Variants in TMCC2 observed in about 807,000 individuals in gnomAD.
The protein encoded by TMCC2 is transmembrane and coiled-coil domains protein 2.
In TMCC2, 16 loss-of-function variants were observed where a neutral mutation model predicts 49.4. The observed-to-expected ratio is 0.32, with a 90% confidence interval of 0.22 to 0.49. The LOEUF (loss-of-function observed/expected upper bound fraction) is 0.49. TMCC2 is among the 20% of genes least tolerant of loss of function. The pLI is 0.99. For synonymous variants in TMCC2, 397 were observed against 434.1 expected (o/e 0.91, Z 1.06); for missense variants, 762 against 989.8 (o/e 0.77, Z 3.09).
intron 2 of TMCC2, among the ~76,000 whole-genome samples, chr1:205,254,481 CGTCTCAT>C (rs1444305160): frequency 6.6e-6 from 1 of 152,182 alleles, no homozygotes; most frequent in African/African-American, 2.4e-5. Context: ...TTTGGGAACA[CGTCTCAT>C]GTATAAAGAC....
intron 4 of TMCC2, among the ~76,000 whole-genome samples, chr1:205,271,525 T>A (rs767674347): frequency 1.3e-5 from 2 of 152,126 alleles, no homozygotes; most frequent in African/African-American, 4.8e-5. Context: ...GCTTCGCAAA[T>A]GAGTATTTGG....
chr1:205,229,847 A>G (rs1659721956), intron 1 of TMCC2: 2 of 985,402 alleles, frequency 2.0e-6, no homozygotes, highest in East Asian at 2.3e-4. Flanking sequence ...ATCTCTATCA[A>G]TTAAAACAGC....
At chr1:205,266,664 G>A (rs78004445) in intron 2 of TMCC2, among the ~76,000 whole-genome samples, 1,866 of 151,510 alleles carry the variant, frequency 0.012, 47 homozygotes, top group African/African-American at 0.043. Flanking sequence ...GAGTAAATTT[G>A]TTGGTATAAT....
intron 2 of TMCC2, among the ~76,000 whole-genome samples, chr1:205,266,199 C>T (rs1458884652): frequency 1.3e-5 from 2 of 149,962 alleles, no homozygotes; most frequent in Non-Finnish European, 3.0e-5. Context: ...CAAGATTGCG[C>T]CACTGCACTG....
chr1:205,249,128 A>T (rs560097136), intron 2 of TMCC2, among the ~76,000 whole-genome samples: 1 of 152,134 alleles, frequency 6.6e-6, no homozygotes, highest in Admixed American at 6.5e-5. Context: ...AGGTGAAGTG[A>T]GGAGGGTGGA....
In TMCC2 at chr1:205,268,822, T is replaced by A. The variant is rs1558658065; in HGVS notation, c.748-128T>A. On this transcript the variant is annotated intron_variant, in intron 2 of 4. Transcript: ENST00000358024. ...GTGGCTGTCAGGGATACTGCTCTTG[T>A]GGTGGTTGTCTTCTTTTGGACTCCT... 3 of 855,896 alleles carry A rather than the reference T, an allele frequency of 3.5e-6. No homozygotes were observed. In the East Asian group the frequency reaches 7.6e-5, roughly 22 times the overall value. The allele number at this position is 855,896 out of a possible 1,614,324, so 53.0% of individuals were successfully genotyped here.
chr1:205,256,139 A>G (rs190097877), intron 2 of TMCC2: 50 of 1,284,382 alleles, frequency 3.9e-5, no homozygotes, highest in African/African-American at 1.6e-4. Flanking sequence ...ATTTGGGACT[A>G]CCCAATCAAC....
At chr1:205,258,984 G>A (rs1264830942) in intron 2 of TMCC2, among the ~76,000 whole-genome samples, 1 of 152,190 alleles carries the variant, frequency 6.6e-6, no homozygotes, top group African/African-American at 2.4e-5. Flanking sequence ...ACCCAGGCCT[G>A]CCAGCCCCGG....
chr1:205,270,994 CAG>C, intron 3 of TMCC2, 124 bp from the exon 4 acceptor site: 1 of 1,328,948 alleles, frequency 7.5e-7, no homozygotes, highest in South Asian at 1.5e-5. Flanking sequence ...AAAATTAGAA[CAG>C]AGCAGAGCTG....
chr1:205,270,097 A>G (rs915192369), intron 3 of TMCC2, among the ~76,000 whole-genome samples: 6 of 152,040 alleles, frequency 3.9e-5, no homozygotes, highest in Non-Finnish European at 8.8e-5. Flanking sequence ...CCCAGGCTGG[A>G]GTGCAGTGGC....
At chr1:205,254,644 A>C (rs1660791887) in intron 2 of TMCC2, among the ~76,000 whole-genome samples, 1 of 152,182 alleles carries the variant, frequency 6.6e-6, no homozygotes, top group Admixed American at 6.5e-5. Context: ...GCTGATGGGT[A>C]AGCTGCTCTT....
rs1459149644 is a variant in TMCC2, at chr1:205,269,683, G to C, written c.1481G>C (p.Gly494Ala). 6.2e-7 allele frequency: 1 copy of C among 1,614,006 alleles called. No individual in the cohort carries two copies. ...TCAGCCGGGGCAGGCAGCAACTCTG[G>C]GGCTGGGCCTGGTGGGGCGCTGGGG... ...ASSAGAGSNS[G>A]AGPGGALGSP... The change falls in exon 3 of 5, where the codon GGG (glycine) becomes GCG (alanine). Residue 494 changes from glycine to alanine, a missense_variant. Coordinates refer to ENST00000358024, the MANE Select transcript of TMCC2 (RefSeq NM_014858.4).
chr1:205,233,377 C>T (rs1191913050), intron 1 of TMCC2, among the ~76,000 whole-genome samples: 1 of 152,210 alleles, frequency 6.6e-6, no homozygotes, highest in Non-Finnish European at 1.5e-5. Flanking sequence ...ATTTGGGTTC[C>T]AGTTCATGTT....
Position 205,271,195 on chromosome 1 carries a change from G to C in TMCC2, c.1758G>C (p.Glu586Asp). The C allele has an allele frequency of 1.2e-6, 2 of 1,614,176 alleles. No homozygotes were observed. The highest frequency in any genetic ancestry group is 1.7e-6 in the Non-Finnish European group (2 of 1,180,054). The change falls in exon 4 of 5, where the codon GAG becomes GAC. Residue 586 changes from glutamate (E) to aspartate (D), a missense_variant. Physicochemically the swap from Glu to Asp is conservative, Grantham distance 45. Around this residue, in one of 2 missense-constraint regions of TMCC2, gnomAD observed 440 missense variants for 636.7 expected, o/e 0.69. Transcript: ENST00000358024. ...ACGAGATGACGAACCTGAAGCAGGA[G>C]CTGGCCAGCATGGAGGAGAAGGTGG... Reference protein sequence around the residue: ...HQNEMTNLKQELASMEEKVAY... With the variant: ...HQNEMTNLKQDLASMEEKVAY...
At chr1:205,229,324 G>A (rs998277290) in intron 1 of TMCC2, among the ~76,000 whole-genome samples, 2 of 151,930 alleles carry the variant, frequency 1.3e-5, no homozygotes, top group Non-Finnish European at 2.9e-5. Flanking sequence ...GAGTAGCTGG[G>A]ATTACAGGCA....
At chr1:205,260,681 T>C in intron 2 of TMCC2, among the ~76,000 whole-genome samples, 1 of 149,816 alleles carries the variant, frequency 6.7e-6, no homozygotes, top group African/African-American at 2.5e-5. Context: ...CCCCATTCCT[T>C]CCCCCACCCC....
intron 1 of TMCC2, among the ~76,000 whole-genome samples, chr1:205,232,017 A>C (rs1659819575): frequency 6.6e-6 from 1 of 152,152 alleles, no homozygotes. Context: ...AGAGGAGAGA[A>C]TTTTTATCTT....
intron 1 of TMCC2, chr1:205,229,569 G>GGGGGGGGGGGGGA (rs1659708817): frequency 1.1e-6 from 1 of 882,720 alleles, no homozygotes. Flanking sequence ...TGGTGGCGGG[G>GGGGGGGGGGGGGA]GCGGGGGGGG....
At chr1:205,256,298 C>T (rs925181820) in intron 2 of TMCC2, 12 of 1,548,674 alleles carry the variant, frequency 7.7e-6, no homozygotes, top group Admixed American at 3.9e-5. Context: ...GCTGGCCAGC[C>T]GGTGACACTG....
Sources: allele counts gnomAD v4.1 joint callset (sites outside exome capture counted in the v4.1 genomes callset), GRCh38; gene constraint gnomAD v4.1.1; regional missense constraint gnomAD v4.1.1; transcripts MANE v1.5; gene names NCBI Gene and HGNC (gene_info 2026-07-23, HGNC 2026-07-21).